SCARB1: variants seen among roughly 807,000 people sequenced by gnomAD.
SCARB1 encodes the protein scavenger receptor class B member 1.
In SCARB1, 30 loss-of-function variants were observed where a neutral mutation model predicts 57.2. The ratio of observed to expected loss-of-function variants is 0.52; its 90% confidence interval spans 0.39 to 0.71. The LOEUF is 0.71. Among genes scored for constraint, SCARB1 ranks in the 30% least tolerant of loss-of-function variants. SCARB1 has a pLI of 0.00. For synonymous variants in SCARB1, 249 were observed against 268.3 expected (o/e 0.93, Z 0.70); for missense variants, 543 against 671.2 (o/e 0.81, Z 2.11).
intron 12 of SCARB1, 60 bp from the exon 13 acceptor site, chr12:124,778,646 T>TCCCCCCC: frequency 7.5e-7 from 1 of 1,337,898 alleles, no homozygotes; most frequent in South Asian, 1.9e-5. Context: ...CCCACCCTCA[T>TCCCCCCC]CCCCGCCCAC....
chr12:124,789,665 A>G lies in SCARB1; in HGVS notation c.1203-2208T>C, dbSNP rs1011441233. On this transcript the variant is annotated intron_variant, in intron 9 of 12. Coordinates refer to ENST00000261693, the MANE Select transcript of SCARB1 (RefSeq NM_005505.5). This position sits in a 1 kb window ranked among gnomAD's most constrained non-coding sequence, Gnocchi z 4.4. Reference sequence around the variant, plus strand: ...CCAGAGCAATCAGGCAAGAGAAAGAAAAACGAAAAAACAAAAACAAATTTT... The same window carrying G: ...CCAGAGCAATCAGGCAAGAGAAAGAGAAACGAAAAAACAAAAACAAATTTT... Among the ~76,000 whole-genome samples, 35 of 152,224 alleles carry G rather than the reference A, an allele frequency of 2.3e-4. No individual in the cohort carries two copies. Among genetic ancestry groups the G allele is most frequent in the Non-Finnish European group, 1.5e-5 (1 of 68,054 alleles).
At chr12:124,859,943 T>C (rs1000716529) in intron 1 of SCARB1, among the ~76,000 whole-genome samples, 1 of 140,352 alleles carries the variant, frequency 7.1e-6, no homozygotes. Flanking sequence ...ATTTCTAAGT[T>C]CCTTCATTTT....
At chr12:124,806,003 G>A (rs180707458) in intron 7 of SCARB1, among the ~76,000 whole-genome samples, 47 of 152,066 alleles carry the variant, frequency 3.1e-4, no homozygotes, top group African/African-American at 7.5e-4. Context: ...TTTAACTTCC[G>A]GCCGGTGCAA....
intron 6 of SCARB1, among the ~76,000 whole-genome samples, chr12:124,808,895 T>C (rs964086940): frequency 6.6e-6 from 1 of 152,118 alleles, no homozygotes; most frequent in African/African-American, 2.4e-5. Flanking sequence ...ATATATGAGG[T>C]CAAATAAAAT....
chr12:124,806,917 G>A lies in SCARB1; in HGVS notation c.1009+844C>T, dbSNP rs79313111. Among the ~76,000 whole-genome samples, 1,466 of 151,804 alleles carry A rather than the reference G, an allele frequency of 9.7e-3. 18 individuals carry two copies. The highest frequency in any genetic ancestry group is 0.048 in the South Asian group (231 of 4,796). On this transcript the variant is annotated intron_variant, in intron 7 of 12. Transcript: ENST00000261693. ...TACCTTGTCTCAAAATATAAAAATA[G>A]GCTGGGCGCGGTGGCTCACACCTAT...
At chr12:124,778,694 C>A in intron 12 of SCARB1, 108 bp from the exon 13 acceptor site, 1 of 1,133,640 alleles carries the variant, frequency 8.8e-7, no homozygotes. Context: ...GAGACTCCAC[C>A]CCCGCCACCA....
chr12:124,849,534 G>A (rs922736219), intron 1 of SCARB1, among the ~76,000 whole-genome samples: 5 of 152,172 alleles, frequency 3.3e-5, no homozygotes, highest in African/African-American at 4.8e-5. Flanking sequence ...GACTTCCTCC[G>A]GCACCCACCC....
At chr12:124,835,168 T>C (rs971623741) in intron 1 of SCARB1, among the ~76,000 whole-genome samples, 1 of 152,056 alleles carries the variant, frequency 6.6e-6, no homozygotes, top group Non-Finnish European at 1.5e-5. Context: ...GGGGAAAGTG[T>C]ATGGAGGCAC....
At chr12:124,802,001 T>C (rs1364149784) in intron 7 of SCARB1, among the ~76,000 whole-genome samples, 1 of 149,730 alleles carries the variant, frequency 6.7e-6, no homozygotes, top group Non-Finnish European at 1.5e-5. Flanking sequence ...AAATACAAAA[T>C]TAGCCGGGCC....
At chr12:124,835,200 A>G (rs1474714260) in intron 1 of SCARB1, among the ~76,000 whole-genome samples, 1 of 152,136 alleles carries the variant, frequency 6.6e-6, no homozygotes, top group Non-Finnish European at 1.5e-5. Flanking sequence ...AAGACTTGGT[A>G]TCTCCTCAGC....
At chr12:124,825,758 C>A (rs575269066) in intron 1 of SCARB1, among the ~76,000 whole-genome samples, 1 of 152,306 alleles carries the variant, frequency 6.6e-6, no homozygotes, top group Non-Finnish European at 1.5e-5. Context: ...TAAACGCCAT[C>A]GACTTGCAGA....
intron 9 of SCARB1, among the ~76,000 whole-genome samples, chr12:124,792,548 C>T (rs945135844): frequency 6.6e-6 from 1 of 151,884 alleles, no homozygotes; most frequent in African/African-American, 2.4e-5. Flanking sequence ...ATGGTGAAAT[C>T]CTGTCTCCAC....
In SCARB1 at chr12:124,812,544, G is replaced by A. The variant is rs1021052027; in HGVS notation, c.631-579C>T. Among the ~76,000 whole-genome samples the A allele has an allele frequency of 1.3e-5, 2 of 152,228 alleles. No homozygotes were observed. Among genetic ancestry groups the A allele is most frequent in the Non-Finnish European group, 2.9e-5 (2 of 68,040 alleles). The stretch of plus-strand genomic sequence containing the variant: ...AGCCATGGAGATTCCGGGGCTGCTT[G>A]TCACAGCAGCAAAACCTGGCCTGTC... On this transcript the variant is annotated intron_variant, in intron 4 of 12. Transcript: ENST00000261693. The surrounding 1 kb of genome is among the most constrained non-coding windows in gnomAD (Gnocchi z 4.3).
At position 124,850,905 on chromosome 12, in the gene SCARB1, G is replaced by T. The variant is rs112427335; in HGVS notation, c.126+12690C>A. 2.6e-5 allele frequency among the ~76,000 whole-genome samples: 4 copies of T among 152,244 alleles called. 1 individual carries two copies. Among genetic ancestry groups the T allele is most frequent in the African/African-American group, 9.6e-5 (4 of 41,538 alleles). On this transcript the variant is annotated intron_variant, in intron 1 of 12. Coordinates refer to ENST00000261693, the MANE Select transcript of SCARB1 (RefSeq NM_005505.5). Reference sequence around the variant, plus strand: ...ATGGCCGCCTCTTCCCCCGACAACAGCCCCTCCTTTTTGCCTTTTGGGAAC... The same window carrying T: ...ATGGCCGCCTCTTCCCCCGACAACATCCCCTCCTTTTTGCCTTTTGGGAAC...
chr12:124,804,291 G>T (rs1418480158), intron 7 of SCARB1, among the ~76,000 whole-genome samples: 1 of 152,226 alleles, frequency 6.6e-6, no homozygotes, highest in Admixed American at 6.5e-5. Flanking sequence ...GGAGCTGGGC[G>T]GAGGTGAGCC....
intron 1 of SCARB1, among the ~76,000 whole-genome samples, chr12:124,818,286 T>C (rs1443162230): frequency 6.6e-6 from 1 of 151,778 alleles, no homozygotes; most frequent in African/African-American, 2.4e-5. Context: ...ACAGCAGGGA[T>C]TGGGGAGAGA....
chr12:124,839,004 A>T (rs962552199), intron 1 of SCARB1, among the ~76,000 whole-genome samples: 4 of 151,958 alleles, frequency 2.6e-5, no homozygotes, highest in African/African-American at 9.7e-5. Context: ...TGAACTCCTG[A>T]CCTCGTGATC....
chr12:124,829,798 G>A (rs1330339246), intron 1 of SCARB1, among the ~76,000 whole-genome samples: 1 of 152,054 alleles, frequency 6.6e-6, no homozygotes, highest in Non-Finnish European at 1.5e-5. Flanking sequence ...TCTAGGCCTG[G>A]GCACTTCAAT....
chr12:124,782,580 T>C (rs977429381), intron 12 of SCARB1, 103 bp downstream of exon 12: 2 of 1,172,804 alleles, frequency 1.7e-6, no homozygotes, highest in South Asian at 1.4e-5. Flanking sequence ...CCAGGTGAAG[T>C]TGAGGCTGAA....
Sources: gnomAD v4.1 joint callset for allele counts (sites outside exome capture counted in the v4.1 genomes callset) on GRCh38, gnomAD v4.1.1 for gene constraint, Gnocchi (gnomAD v3.1) non-coding constraint, MANE v1.5 for transcripts, NCBI Gene and HGNC (gene_info 2026-07-23, HGNC 2026-07-21) for gene names.